The following ARHGAP28 variants were observed in gnomAD, a reference collection of about 807,000 sequenced individuals.
The protein encoded by ARHGAP28 is rho GTPase-activating protein 28.
In ARHGAP28, 56 loss-of-function variants were observed where a neutral mutation model predicts 90.7. That is an observed-to-expected ratio of 0.62 (90% CI 0.50 to 0.77). The LOEUF (loss-of-function observed/expected upper bound fraction) is 0.77, where lower values mean the gene tolerates loss of function less well. Ranked by LOEUF, ARHGAP28 falls within the 30% of genes least tolerant of loss-of-function variation. The pLI is 0.00. For missense variants in ARHGAP28, 869 were observed against 900.9 expected, an observed-to-expected ratio of 0.96 and a Z score of 0.45; for synonymous variants, 308 against 323.3, an observed-to-expected ratio of 0.95 and a Z score of 0.51.
At chr18:6,911,728 G>T (rs560672373) in intron 17 of ARHGAP28, among the ~76,000 whole-genome samples, 1 of 152,060 alleles carries the variant, frequency 6.6e-6, no homozygotes, top group African/African-American at 2.4e-5. Flanking sequence ...GAGCCACTGC[G>T]CCCAGCCCTT....
intron 12 of ARHGAP28, 50 bp from the exon 13 acceptor site, chr18:6,889,838 G>A: frequency 6.4e-7 from 1 of 1,553,286 alleles, no homozygotes; most frequent in Non-Finnish European, 8.9e-7. Context: ...AGCAATCAGG[G>A]GCACTTTTGA....
intron 1 of ARHGAP28, among the ~76,000 whole-genome samples, chr18:6,778,440 A>T (rs1252387051): frequency 6.6e-6 from 1 of 152,222 alleles, no homozygotes; most frequent in Non-Finnish European, 1.5e-5. Context: ...CTTTTTAGCA[A>T]TGGTCACTGC....
At chr18:6,900,664 G>C (rs908829473) in intron 16 of ARHGAP28, among the ~76,000 whole-genome samples, 3 of 151,050 alleles carry the variant, frequency 2.0e-5, no homozygotes, top group Non-Finnish European at 4.4e-5. Flanking sequence ...CACAGCCTCA[G>C]GGACCTACGG....
chr18:6,784,305 A>C (rs1214682864), intron 1 of ARHGAP28, among the ~76,000 whole-genome samples: 1 of 152,148 alleles, frequency 6.6e-6, no homozygotes, highest in Non-Finnish European at 1.5e-5. Flanking sequence ...CAGAGTCTGC[A>C]TTTTAACCAG....
intron 11 of ARHGAP28, among the ~76,000 whole-genome samples, chr18:6,886,647 T>C (rs1322417212): frequency 2.0e-5 from 3 of 152,232 alleles, no homozygotes; most frequent in African/African-American, 4.8e-5. Flanking sequence ...GTGAGGTAGA[T>C]ACAATGACTA....
chr18:6,833,427 C>T (rs867923901), intron 2 of ARHGAP28, among the ~76,000 whole-genome samples: 1 of 151,872 alleles, frequency 6.6e-6, no homozygotes, highest in African/African-American at 2.4e-5. Context: ...ACGTGTTTCT[C>T]TTTCTTCTCT....
intron 1 of ARHGAP28, among the ~76,000 whole-genome samples, chr18:6,766,945 T>G (rs2056204621): frequency 6.6e-6 from 1 of 152,210 alleles, no homozygotes; most frequent in South Asian, 2.1e-4. Context: ...TGCCTGTGTC[T>G]TTCTGAAGTG....
intron 1 of ARHGAP28, among the ~76,000 whole-genome samples, chr18:6,814,273 G>A (rs959221927): frequency 1.1e-4 from 17 of 152,134 alleles, no homozygotes; most frequent in Non-Finnish European, 1.0e-4. Context: ...CCCACTCAGG[G>A]AAAGCCTGTG....
At position 6,870,953 on chromosome 18, in the gene ARHGAP28, A is replaced by ACC. The variant is rs1412100733; in HGVS notation, c.954+221_954+222insCC. ...GTAGCTGGGACTACAGGCACCTGCCAACTTGCCCGGCTAATTTTTTGTATT... is the reference window on the plus strand; with the variant it reads ...GTAGCTGGGACTACAGGCACCTGCCACCACTTGCCCGGCTAATTTTTTGTATT... On this transcript the variant is annotated intron_variant, in intron 7 of 17. Coordinates refer to ENST00000383472, the MANE Select transcript of ARHGAP28 (RefSeq NM_001366230.1). Among the ~76,000 whole-genome samples, 111 of 152,234 alleles carry ACC rather than the reference A, an allele frequency of 7.3e-4. No individual in the cohort carries two copies. The East Asian group carries it at 9.1e-3, about 12-fold the overall frequency.
chr18:6,874,602 A>G (rs1052995636), intron 9 of ARHGAP28: 2 of 152,180 alleles, frequency 1.3e-5, no homozygotes, highest in Non-Finnish European at 2.9e-5. Context: ...AATATTGTCT[A>G]AGGAAACATA....
At chr18:6,855,318 G>A (rs988041596) in intron 4 of ARHGAP28, among the ~76,000 whole-genome samples, 3 of 152,138 alleles carry the variant, frequency 2.0e-5, no homozygotes, top group African/African-American at 7.2e-5. Context: ...GGCCGCTCAT[G>A]GACCAATCAG....
intron 1 of ARHGAP28, chr18:6,730,221 G>GTATATATATATA (rs55890039): frequency 5.7e-5 from 10 of 175,068 alleles, no homozygotes; most frequent in Middle Eastern, 2.3e-3. Flanking sequence ...TAAGTCATGT[G>GTATATATATATA]TATATATATA....
At chr18:6,837,739 ACT>A (rs1212233911) in intron 3 of ARHGAP28, among the ~76,000 whole-genome samples, 1 of 151,612 alleles carries the variant, frequency 6.6e-6, no homozygotes, top group East Asian at 1.9e-4. Context: ...CTGAATGGAA[ACT>A]CTGTGGTCGG....
chr18:6,809,602 C>T (rs866284817), intron 1 of ARHGAP28, among the ~76,000 whole-genome samples: 2 of 152,056 alleles, frequency 1.3e-5, no homozygotes, highest in African/African-American at 4.8e-5. Context: ...AAAGAGAAAA[C>T]AAGCAAGCAA....
At chr18:6,826,225 T>C (rs2056662020) in intron 2 of ARHGAP28, among the ~76,000 whole-genome samples, 1 of 152,042 alleles carries the variant, frequency 6.6e-6, no homozygotes, top group African/African-American at 2.4e-5. Context: ...CTCTGATAAT[T>C]AGTGATGATG....
intron 1 of ARHGAP28, chr18:6,789,953 G>A (rs1305624318): frequency 1.3e-5 from 2 of 151,480 alleles, no homozygotes; most frequent in African/African-American, 2.4e-5. Context: ...GCAGCCTCCC[G>A]AGAAGCTGGG....
At chr18:6,910,908 G>A (rs568650852) in intron 17 of ARHGAP28, among the ~76,000 whole-genome samples, 58 of 151,442 alleles carry the variant, frequency 3.8e-4, no homozygotes, top group African/African-American at 1.3e-3. Flanking sequence ...GCAGTGGCGC[G>A]ATCTCGGCTC....
intron 1 of ARHGAP28, among the ~76,000 whole-genome samples, chr18:6,760,969 C>A (rs565268024): frequency 1.3e-5 from 2 of 152,122 alleles, no homozygotes; most frequent in Non-Finnish European, 2.9e-5. Flanking sequence ...AAGATGAGAT[C>A]GTGGTATTAT....
At position 6,860,999 on chromosome 18, in the gene ARHGAP28, A is replaced by T. The variant is rs943193321; in HGVS notation, c.726+1102A>T. ...AAATGAGTGAGAGTGTCTCTGCTTT[A>T]GACGTCATCTCAAATTCATCTCACT... On this transcript the variant is annotated intron_variant, in intron 5 of 17. Coordinates refer to ENST00000383472, the MANE Select transcript of ARHGAP28 (RefSeq NM_001366230.1). 7.9e-5 allele frequency among the ~76,000 whole-genome samples: 12 copies of T among 152,324 alleles called. 2 individuals carry two copies. The highest frequency in any genetic ancestry group is 2.0e-4 in the Admixed American group (3 of 15,302).
Sources: gnomAD v4.1 joint callset for allele counts (sites outside exome capture counted in the v4.1 genomes callset) on GRCh38, gnomAD v4.1.1 for gene constraint, MANE v1.5 for transcripts, NCBI Gene and HGNC (gene_info 2026-07-23, HGNC 2026-07-21) for gene names.